TEX11: variants seen among roughly 807,000 people sequenced by gnomAD.
TEX11 encodes testis expressed 11, also known as testis-expressed protein 11.
In TEX11, 7 loss-of-function variants were observed where a neutral mutation model predicts 84.4. The ratio of observed to expected loss-of-function variants is 0.08; its 90% CI spans 0.05 to 0.16. TEX11 has a LOEUF of 0.16. Among genes scored for constraint, TEX11 ranks in the 10% least tolerant of loss-of-function variants. The pLI, the probability that TEX11 is intolerant of heterozygous loss-of-function variation, is 1.00. For missense variants in TEX11, 551 were observed against 660.5 expected, an observed-to-expected ratio of 0.83 and a Z score of 1.82; for synonymous variants, 264 against 222.8, an observed-to-expected ratio of 1.18 and a Z score of -1.64.
intron 8 of TEX11, among the ~76,000 whole-genome samples, chrX:70,814,374 G>A (rs2091275322): frequency 8.9e-6 from 1 of 112,196 alleles, no homozygotes; most frequent in Non-Finnish European, 1.9e-5. Flanking sequence ...ATGATTTTGA[G>A]TTTGGAATGA....
At chrX:70,861,094 C>A (rs1470139233) in intron 4 of TEX11, among the ~76,000 whole-genome samples, 158 bp from the exon 5 acceptor site, 1 of 93,715 alleles carries the variant, frequency 1.1e-5, no homozygotes, top group Non-Finnish European at 2.1e-5. Context: ...CGGAGTCTCG[C>A]TCTGTCGCCC....
chrX:70,553,534 A>T, intron 26 of TEX11, 120 bp from the exon 27 acceptor site: 2 of 422,879 alleles, frequency 4.7e-6, no homozygotes, highest in Admixed American at 4.7e-5. Context: ...ACAAAAATAA[A>T]CAACAATGAA....
At chrX:70,512,322 G>C in the TEX11 span, among the ~76,000 whole-genome samples, 1 of 108,037 alleles carries the variant, frequency 9.3e-6, no homozygotes, top group Non-Finnish European at 1.9e-5. Flanking sequence ...GAGTTCAAGC[G>C]ATTCTGATGC....
chrX:70,620,599 T>C (rs745408005), intron 20 of TEX11, among the ~76,000 whole-genome samples: 3 of 112,239 alleles, frequency 2.7e-5, no homozygotes, highest in Non-Finnish European at 5.6e-5. Flanking sequence ...CCAGCAATCA[T>C]GCTCCTCGGT....
At chrX:70,903,094 T>C (rs1472004835) in intron 2 of TEX11, among the ~76,000 whole-genome samples, 5 of 112,088 alleles carry the variant, frequency 4.5e-5, no homozygotes, top group East Asian at 5.6e-4. Context: ...ATAAAATGCA[T>C]GGACCTGTCA....
chrX:70,887,647 C>G (rs750464299), intron 2 of TEX11, among the ~76,000 whole-genome samples: 1 of 112,523 alleles, frequency 8.9e-6, no homozygotes, highest in East Asian at 2.8e-4. Flanking sequence ...TGGGAGAACT[C>G]CATACCCTTA....
intron 9 of TEX11, among the ~76,000 whole-genome samples, chrX:70,789,459 G>T (rs1234192283): frequency 1.8e-5 from 2 of 111,564 alleles, no homozygotes; most frequent in African/African-American, 6.5e-5. Context: ...AGGCATGGTG[G>T]CAGGCGCCTG....
chrX:70,863,019 G>A (rs1192423380), intron 4 of TEX11, among the ~76,000 whole-genome samples: 2 of 111,098 alleles, frequency 1.8e-5, no homozygotes, highest in African/African-American at 6.5e-5. Context: ...CTCCTCACTG[G>A]GCAGGGCATC....
intron 2 of TEX11, among the ~76,000 whole-genome samples, chrX:70,887,249 G>A (rs1224705946): frequency 1.8e-5 from 2 of 111,843 alleles, no homozygotes; most frequent in Non-Finnish European, 3.8e-5. Flanking sequence ...GCCACAGTAG[G>A]GAAAAACACC....
At chrX:70,678,964 C>CG (rs2090101952) in intron 14 of TEX11, 75 bp from the exon 15 acceptor site, 1 of 831,055 alleles carries the variant, frequency 1.2e-6, no homozygotes, top group Non-Finnish European at 1.7e-6. Context: ...CTCCCTCTCC[C>CG]TCTCCCCACG....
chrX:70,657,207 A>G (rs1014021518), intron 16 of TEX11, among the ~76,000 whole-genome samples: 4 of 111,340 alleles, frequency 3.6e-5, no homozygotes, highest in African/African-American at 9.8e-5. Context: ...CCTCATTGCT[A>G]TCATATTGGA....
At chrX:70,788,569 C>T (rs559257849) in intron 9 of TEX11, among the ~76,000 whole-genome samples, 24 of 109,373 alleles carry the variant, frequency 2.2e-4, no homozygotes, top group Non-Finnish European at 4.0e-4. Flanking sequence ...AAAACCAATA[C>T]TTCCAAACTC....
intron 9 of TEX11, among the ~76,000 whole-genome samples, chrX:70,804,832 T>C (rs1319041689): frequency 1.8e-5 from 2 of 111,165 alleles, no homozygotes; most frequent in Admixed American, 1.9e-4. Context: ...TCATGCCATG[T>C]CAGGCCTCAA....
rs1351583797 is a variant in TEX11 at position 70,750,076 on chromosome X, G to GA, written c.693-5858dup. Among the ~76,000 whole-genome samples, 979 of 110,802 alleles carry GA rather than the reference G, an allele frequency of 8.8e-3. 15 individuals carry two copies. Among genetic ancestry groups the GA allele is most frequent in the African/African-American group, 0.03 (927 of 30,457 alleles). ...ACAAAGAACTCAAGCAAATTTACAA[G>GA]AAAAAAACAAACAACCCCATCAAAA... is the stretch of plus-strand genomic sequence containing the variant. On this transcript the variant is annotated intron_variant, in intron 9 of 29. Transcript: ENST00000374333.
intron 2 of TEX11, among the ~76,000 whole-genome samples, chrX:70,888,632 A>T (rs943699839): frequency 8.9e-6 from 1 of 111,868 alleles, no homozygotes; most frequent in African/African-American, 3.2e-5. Context: ...CTTAAAGATG[A>T]GGAAGAGAAA....
At chrX:70,543,272 A>C (rs1441607733) in intron 28 of TEX11, among the ~76,000 whole-genome samples, 5 of 112,639 alleles carry the variant, frequency 4.4e-5, no homozygotes, top group African/African-American at 1.6e-4. Context: ...CTATCCAGTC[A>C]TGTTTCAGGG....
At chrX:70,782,974 A>G (rs745785452) in intron 9 of TEX11, among the ~76,000 whole-genome samples, 3 of 111,361 alleles carry the variant, frequency 2.7e-5, no homozygotes, top group Non-Finnish European at 5.6e-5. Context: ...CTCTGGACCA[A>G]TTGGACCTAA....
chrX:70,688,330 C>T (rs184546967), intron 13 of TEX11, among the ~76,000 whole-genome samples: 2 of 111,322 alleles, frequency 1.8e-5, no homozygotes, highest in Non-Finnish European at 3.8e-5. Context: ...AAAATCTTCC[C>T]GTGAATGTTT....
At chrX:70,810,803 T>G (rs1043522152) in intron 8 of TEX11, among the ~76,000 whole-genome samples, 1 of 108,456 alleles carries the variant, frequency 9.2e-6, no homozygotes, top group Non-Finnish European at 1.9e-5. Context: ...AAAAAAAAAG[T>G]AAACCCCATA....
Sources: gnomAD v4.1 joint callset for allele counts (sites outside exome capture counted in the v4.1 genomes callset) on GRCh38, gnomAD v4.1.1 for gene constraint, MANE v1.5 for transcripts, NCBI Gene and HGNC (gene_info 2026-07-23, HGNC 2026-07-21) for gene names.